LDLRAD1: variants seen among roughly 807,000 people sequenced by gnomAD.
LDLRAD1 encodes the protein low density lipoprotein receptor class A domain containing 1.
LDLRAD1 carries 17 observed loss-of-function variants against 24.8 expected under a neutral mutation model. The ratio of observed to expected loss-of-function variants is 0.69; its 90% confidence interval spans 0.47 to 1.03. LDLRAD1 has a LOEUF of 1.03. LDLRAD1 is among the 50% of genes least tolerant of loss of function. The pLI, the probability that LDLRAD1 is intolerant of heterozygous loss-of-function variation, is 0.00. For synonymous variants in LDLRAD1, 103 were observed against 108.2 expected (o/e 0.95, Z 0.30); for missense variants, 277 against 271.0 (o/e 1.02, Z -0.16).
In LDLRAD1 at chr1:54,013,409, A is replaced by G. The variant is rs997584833; in HGVS notation, c.202+827T>C. Among the ~76,000 whole-genome samples the G allele has an allele frequency of 4.8e-5, 6 of 124,102 alleles. No individual in the cohort carries two copies. The East Asian group carries it at 9.4e-4, about 19-fold the overall frequency. The allele number at this position is 124,102 out of a possible 152,430, so 81.4% of individuals were successfully genotyped here. A position where few individuals can be genotyped will look rare whatever the true frequency, so the allele number is the denominator to read the frequency against. On this transcript the variant is annotated intron_variant, in intron 3 of 5. Transcript: ENST00000371360. ...CTCTATACCCACCCTGCCTGGCTGC[A>G]GAGCCATCCTTCAGAAACATCAGCC...
chr1:54,017,438 G>T lies in LDLRAD1; in HGVS notation c.22-11C>A, dbSNP rs756738194. ...GTAGCCATTCTCTCCCTGCCCAAGA[G>T]AACAGAGTGAGGGGTGGGCTTAGGT... On this transcript the variant is annotated splice_polypyrimidine_tract_variant and intron_variant, in intron 1 of 5. Transcript: ENST00000371360. 2.5e-6 allele frequency: 4 copies of T among 1,596,298 alleles called. No individual in the cohort carries two copies. The highest frequency in any genetic ancestry group is 3.4e-6 in the Non-Finnish European group (4 of 1,170,194).
intron 2 of LDLRAD1, among the ~76,000 whole-genome samples, chr1:54,016,936 T>G (rs1243552045): frequency 1.3e-5 from 2 of 152,216 alleles, no homozygotes; most frequent in Non-Finnish European, 2.9e-5. Flanking sequence ...TGTTTCTTCC[T>G]TCTTCTATTT....
rs1168866783 is a variant in LDLRAD1 at position 54,014,380 on chromosome 1, A to G, written c.74-16T>C. The G allele has an allele frequency of 1.3e-5, 15 of 1,176,846 alleles. No homozygotes were observed. The Admixed American group carries it at 1.4e-4, about 11-fold the overall frequency. The allele number at this position is 1,176,846 out of a possible 1,614,324, so 72.9% of individuals were successfully genotyped here. A position where few individuals can be genotyped will look rare whatever the true frequency, so the allele number is the denominator to read the frequency against. ...CCGCCGCCTGCTGTGTGGGGGGGAAACAAGCCCGGGGGTGGTGGTGATAGG... is the reference window on the plus strand; with the variant it reads ...CCGCCGCCTGCTGTGTGGGGGGGAAGCAAGCCCGGGGGTGGTGGTGATAGG... On this transcript the variant is annotated splice_polypyrimidine_tract_variant and intron_variant, in intron 2 of 5. Transcript: ENST00000371360.
intron 3 of LDLRAD1, 130 bp downstream of exon 3, chr1:54,014,106 C>A (rs2100258409): frequency 2.0e-6 from 2 of 1,016,804 alleles, no homozygotes; most frequent in African/African-American, 1.6e-5. Context: ...TGTGTCTGTG[C>A]ATGCACCTTA....
chr1:54,008,900 T>TACCATCAAAAAA lies in LDLRAD1; in HGVS notation c.*81_*82insTTTTTTGATGGT. ...CCATTTCAAAGGCTGCTTCCTGCCC[T>TACCATCAAAAAA]TGTGCGCTAGGATTTGATTTTCATG... On this transcript the variant is annotated 3_prime_UTR_variant, in exon 6 of 6. Coordinates refer to ENST00000371360, the MANE Select transcript of LDLRAD1 (RefSeq NM_001010978.4). The TACCATCAAAAAA allele has an allele frequency of 1.7e-6, 2 of 1,191,230 alleles. No homozygotes were observed. The highest frequency in any genetic ancestry group is 2.8e-5 in the East Asian group (1 of 36,220). 73.8% of individuals were successfully genotyped at this position (1,191,230 alleles called of 1,614,324 possible). A position where few individuals can be genotyped will look rare whatever the true frequency, so the allele number is the denominator to read the frequency against.
intron 1 of LDLRAD1, 82 bp from the exon 2 acceptor site, chr1:54,017,509 G>A: frequency 2.5e-6 from 3 of 1,213,994 alleles, no homozygotes; most frequent in Non-Finnish European, 3.6e-6. Flanking sequence ...GGTTTTCAGA[G>A]GGGTCACTGA....
Position 54,018,147 on chromosome 1 carries a change from T to G in LDLRAD1, c.-35A>C, listed in dbSNP as rs778595690. Reference sequence around the variant, plus strand: ...TTCCTGCTGCCCGACTGGGGCTGTGTGCAGAGAGCTCAGCACGGGTTCCCT... The same window carrying G: ...TTCCTGCTGCCCGACTGGGGCTGTGGGCAGAGAGCTCAGCACGGGTTCCCT... On this transcript the variant is annotated 5_prime_UTR_variant, in exon 1 of 6. Transcript: ENST00000371360. The G allele has an allele frequency of 1.2e-6, 2 of 1,612,982 alleles. No individual in the cohort carries two copies. The highest frequency in any genetic ancestry group is 1.1e-5 in the South Asian group (1 of 90,852).
At chr1:54,011,367 C>T (rs1365723942) in intron 4 of LDLRAD1, among the ~76,000 whole-genome samples, 2 of 152,168 alleles carry the variant, frequency 1.3e-5, no homozygotes, top group African/African-American at 4.8e-5. Context: ...GAAAAACCTT[C>T]CAATCCTTGC....
At position 54,017,376 on chromosome 1, in the gene LDLRAD1, C is replaced by T. The variant is rs1439806695; in HGVS notation, c.73G>A (p.Ala25Thr). The T allele has an allele frequency of 2.5e-6, 4 of 1,599,776 alleles. No individual in the cohort carries two copies. In the Admixed American group the frequency reaches 6.8e-5, roughly 27 times the overall value. Residue 25 changes from alanine to threonine, a missense_variant and splice_region_variant, in exon 2 of 6, where the codon GCA (alanine) becomes ACA (threonine). Coordinates refer to ENST00000371360, the MANE Select transcript of LDLRAD1 (RefSeq NM_001010978.4). The stretch of plus-strand genomic sequence containing the variant: ...GGCCCCAGGCCCTCCAGTTCTTTAC[C>T]TTCCCCTCCAGGGTGGGCTTTGGAT... Reference protein sequence around the residue: ...AESKAHPGGEAGGGHLCCSRR... With the variant: ...AESKAHPGGETGGGHLCCSRR...
intron 4 of LDLRAD1, 68 bp downstream of exon 4, chr1:54,012,075 G>A (rs1436722686): frequency 1.3e-5 from 20 of 1,586,774 alleles, no homozygotes; most frequent in South Asian, 1.1e-5. Flanking sequence ...GATGTGTTCA[G>A]TATGGATGCC....
chr1:54,017,450 G>T, intron 1 of LDLRAD1, 23 bp from the exon 2 acceptor site: 1 of 1,588,978 alleles, frequency 6.3e-7, no homozygotes. Context: ...ACAGAGTGAG[G>T]GGTGGGCTTA....
In LDLRAD1 at chr1:54,008,778, A is replaced by G. The variant is rs531274076; in HGVS notation, c.*204T>C. ...TCATCTTTGTTAGAAGCCACCTAAC[A>G]TGGTAATGAGCTCCTGGTCATTGGA... is the stretch of plus-strand genomic sequence containing the variant. On this transcript the variant is annotated 3_prime_UTR_variant, in exon 6 of 6. Transcript: ENST00000371360. The G allele has an allele frequency of 9.6e-6, 5 of 519,962 alleles. No homozygotes were observed. In the South Asian group the frequency reaches 1.4e-4, roughly 15 times the overall value. The allele number at this position is 519,962 out of a possible 1,614,324, so 32.2% of individuals were successfully genotyped here. A position where few individuals can be genotyped will look rare whatever the true frequency, so the allele number is the denominator to read the frequency against.
chr1:54,013,062 G>A (rs1054870765), intron 3 of LDLRAD1, among the ~76,000 whole-genome samples: 4 of 152,006 alleles, frequency 2.6e-5, no homozygotes, highest in Non-Finnish European at 5.9e-5. Context: ...TGGGGGAGGC[G>A]GCGGGGGGGA....
Position 54,008,894 on chromosome 1 carries a change from C to G in LDLRAD1, c.*88G>C. 9.2e-7 allele frequency: 1 copy of G among 1,081,610 alleles called. No homozygotes were observed. 67.0% of individuals were successfully genotyped at this position (1,081,610 alleles called of 1,614,324 possible). On this transcript the variant is annotated 3_prime_UTR_variant, in exon 6 of 6. Coordinates refer to ENST00000371360, the MANE Select transcript of LDLRAD1 (RefSeq NM_001010978.4). The stretch of plus-strand genomic sequence containing the variant: ...TAGATCCCATTTCAAAGGCTGCTTC[C>G]TGCCCTTGTGCGCTAGGATTTGATT...
intron 2 of LDLRAD1, among the ~76,000 whole-genome samples, chr1:54,015,640 C>A (rs1157246197): frequency 6.8e-6 from 1 of 147,102 alleles, no homozygotes; most frequent in East Asian, 2.0e-4. Context: ...GTGGTGGGGG[C>A]TTTTGTTTTT....
rs369783572 is a variant in LDLRAD1 at position 54,012,314 on chromosome 1, G to A, written c.203-34C>T. ...GCAGGGAAAGGCCCTGGAGGGTCAA[G>A]GGTGGTGCTCACAAGGACAAACCTT... On this transcript the variant is annotated intron_variant, in intron 3 of 5. Coordinates refer to ENST00000371360, the MANE Select transcript of LDLRAD1 (RefSeq NM_001010978.4). 3.1e-6 allele frequency: 5 copies of A among 1,612,384 alleles called. No homozygotes were observed. The East Asian group carries it at 8.9e-5, about 29-fold the overall frequency.
In LDLRAD1 at chr1:54,009,000, A is replaced by G; in HGVS notation, c.600T>C (p.Tyr200=). 6.2e-7 allele frequency: 1 copy of G among 1,613,840 alleles called. No individual in the cohort carries two copies. Among genetic ancestry groups the G allele is most frequent in the Non-Finnish European group, 8.5e-7 (1 of 1,179,878 alleles). The change falls in exon 6 of 6, where the codon TAT becomes TAC. Residue 200 remains tyrosine (Y), a synonymous_variant. Coordinates refer to ENST00000371360, the MANE Select transcript of LDLRAD1 (RefSeq NM_001010978.4). ...VQHCSDWSDE[Y]ACPGP ...GGCCCACTCAGGGTCCGGGACAGGC[A>G]TACTCATCGGACCAGTCGGAGCAGT...
intron 3 of LDLRAD1, among the ~76,000 whole-genome samples, chr1:54,012,761 T>G (rs1055321279): frequency 4.6e-5 from 7 of 152,158 alleles, no homozygotes; most frequent in Non-Finnish European, 8.8e-5. Flanking sequence ...TCATAATTCC[T>G]TCTATCTGGG....
chr1:54,016,442 G>T (rs1165085397), intron 2 of LDLRAD1, among the ~76,000 whole-genome samples: 1 of 152,178 alleles, frequency 6.6e-6, no homozygotes, highest in Non-Finnish European at 1.5e-5. Flanking sequence ...GGCCATGGGA[G>T]AACCCGCAGA....
Sources: allele counts gnomAD v4.1 joint callset (sites outside exome capture counted in the v4.1 genomes callset), GRCh38; gene constraint gnomAD v4.1.1; transcripts MANE v1.5; gene names NCBI Gene and HGNC (gene_info 2026-07-23, HGNC 2026-07-21).